SHISA9: variants seen among roughly 807,000 people sequenced by gnomAD.
The protein encoded by SHISA9 is shisa family member 9.
A neutral mutation model predicts 38.0 loss-of-function variants in SHISA9; 13 were observed. The observed-to-expected ratio is 0.34, with a 90% CI of 0.22 to 0.54. The LOEUF is 0.54. Among genes scored for constraint, SHISA9 ranks in the 20% least tolerant of loss-of-function variants. The pLI, the probability that SHISA9 is intolerant of heterozygous loss-of-function variation, is 0.91. For missense variants in SHISA9, 538 were observed against 575.8 expected, an observed-to-expected ratio of 0.93 and a Z score of 0.67; for synonymous variants, 275 against 242.0, an observed-to-expected ratio of 1.14 and a Z score of -1.27.
At chr16:13,408,159 T>C in the SHISA9 span, among the ~76,000 whole-genome samples, 4 of 152,318 alleles carry the variant, frequency 2.6e-5, no homozygotes, top group East Asian at 3.9e-4. Flanking sequence ...AGAAGTCTTA[T>C]ATGAGGAAGA....
At chr16:13,196,736 T>C (rs1378995599) in intron 2 of SHISA9, among the ~76,000 whole-genome samples, 2 of 152,218 alleles carry the variant, frequency 1.3e-5, no homozygotes, top group East Asian at 1.9e-4. Context: ...GAACTCTCTG[T>C]ACTATCTTTG....
At chr16:13,028,333 C>T (rs949363845) in intron 2 of SHISA9, among the ~76,000 whole-genome samples, 3 of 152,114 alleles carry the variant, frequency 2.0e-5, no homozygotes, top group Non-Finnish European at 4.4e-5. Context: ...CTGCATTAGT[C>T]TGTTTTCATG....
chr16:12,968,440 C>G (rs2072010397), intron 2 of SHISA9, among the ~76,000 whole-genome samples: 1 of 152,104 alleles, frequency 6.6e-6, no homozygotes, highest in African/African-American at 2.4e-5. Context: ...AATGAATGAA[C>G]TATACCAAAA....
intron 2 of SHISA9, among the ~76,000 whole-genome samples, chr16:12,934,784 C>G (rs1199911215): frequency 6.6e-6 from 1 of 152,184 alleles, no homozygotes; most frequent in Admixed American, 6.5e-5. Flanking sequence ...CCTCATCTCT[C>G]TCATCCTTCA....
At chr16:13,011,486 G>A (rs567792934) in intron 2 of SHISA9, among the ~76,000 whole-genome samples, 20 of 151,642 alleles carry the variant, frequency 1.3e-4, no homozygotes, top group East Asian at 1.9e-4. Context: ...TCATTTCCTC[G>A]TCCCACCCCA....
chr16:13,484,347 G>A, the SHISA9 span, among the ~76,000 whole-genome samples: 5 of 152,068 alleles, frequency 3.3e-5, no homozygotes, highest in Non-Finnish European at 5.9e-5. Context: ...TCACCTCTCC[G>A]AGCCTCGGTT....
At chr16:12,921,977 G>A (rs931408603) in intron 2 of SHISA9, among the ~76,000 whole-genome samples, 17 of 152,170 alleles carry the variant, frequency 1.1e-4, no homozygotes, top group Non-Finnish European at 2.1e-4. Context: ...TAAGGATGGG[G>A]AAACTGAGGC....
At chr16:13,469,320 G>GAGAGAGAGAGAGAGAA in the SHISA9 span, among the ~76,000 whole-genome samples, 1 of 61,572 alleles carries the variant, frequency 1.6e-5, no homozygotes, top group Non-Finnish European at 3.0e-5. Context: ...GAGAGAGAGA[G>GAGAGAGAGAGAGAGAA]AGAAAGAAAG....
At chr16:13,561,578 G>C in the SHISA9 span, among the ~76,000 whole-genome samples, 2 of 152,170 alleles carry the variant, frequency 1.3e-5, no homozygotes, top group East Asian at 3.9e-4. Flanking sequence ...AAAGCGTGCT[G>C]ATCCTTCAGG....
chr16:13,416,873 TGAAG>T, the SHISA9 span, among the ~76,000 whole-genome samples: 4 of 127,568 alleles, frequency 3.1e-5, no homozygotes, highest in African/African-American at 8.9e-5. Context: ...GGGAGGGAAA[TGAAG>T]GAAGAAGGAA....
intron 2 of SHISA9, among the ~76,000 whole-genome samples, chr16:13,080,231 G>A (rs1167868242): frequency 6.6e-6 from 1 of 152,136 alleles, no homozygotes; most frequent in Non-Finnish European, 1.5e-5. Context: ...AAATTAGCTG[G>A]GCGTGGTGGT....
intron 2 of SHISA9, among the ~76,000 whole-genome samples, chr16:13,130,404 CTA>C (rs760653802): frequency 6.6e-6 from 1 of 151,280 alleles, no homozygotes; most frequent in Non-Finnish European, 1.5e-5. Context: ...ATCCCTAATT[CTA>C]TGTTTTTTTG....
At chr16:13,007,439 CT>C (rs1596580028) in intron 2 of SHISA9, among the ~76,000 whole-genome samples, 3 of 152,156 alleles carry the variant, frequency 2.0e-5, no homozygotes, top group Admixed American at 2.0e-4. Context: ...CACAAGTGTT[CT>C]TTATTTCTTG....
the SHISA9 span, among the ~76,000 whole-genome samples, chr16:13,470,299 G>A: frequency 3.9e-5 from 6 of 152,076 alleles, no homozygotes; most frequent in South Asian, 4.2e-4. Flanking sequence ...CTCTAATTTC[G>A]GTATTCTTCT....
the SHISA9 span, among the ~76,000 whole-genome samples, chr16:13,455,685 G>A: frequency 1.3e-5 from 2 of 152,138 alleles, no homozygotes; most frequent in African/African-American, 4.8e-5. Context: ...TATTAATTCG[G>A]TGTGGAGTTT....
At chr16:12,992,597 A>G (rs772785420) in intron 2 of SHISA9, among the ~76,000 whole-genome samples, 3 of 152,086 alleles carry the variant, frequency 2.0e-5, no homozygotes, top group Non-Finnish European at 4.4e-5. Context: ...CCAGGTCACA[A>G]GATAAGAGCC....
chr16:13,326,717 TC>T, the SHISA9 span, among the ~76,000 whole-genome samples: 2 of 151,918 alleles, frequency 1.3e-5, no homozygotes, highest in South Asian at 4.2e-4. Context: ...CAAGGCGCCT[TC>T]TCAGAAAAAG....
the SHISA9 span, among the ~76,000 whole-genome samples, chr16:13,270,873 G>C: frequency 6.6e-6 from 1 of 152,274 alleles, no homozygotes; most frequent in African/African-American, 2.4e-5. Context: ...ATAGTGGTTA[G>C]CATCTGGGAA....
the SHISA9 span, among the ~76,000 whole-genome samples, chr16:13,393,402 G>A: frequency 6.6e-6 from 1 of 152,132 alleles, no homozygotes; most frequent in Non-Finnish European, 1.5e-5. Flanking sequence ...TCCCTCTTTC[G>A]ATCAGATCCC....
Sources: allele counts gnomAD v4.1 joint callset (sites outside exome capture counted in the v4.1 genomes callset), GRCh38; gene constraint gnomAD v4.1.1; transcripts MANE v1.5; gene names NCBI Gene and HGNC (gene_info 2026-07-23, HGNC 2026-07-21).